MACROD2: variants seen among roughly 807,000 people sequenced by gnomAD.
The protein encoded by MACROD2 is ADP-ribose glycohydrolase MACROD2.
MACROD2 carries 36 observed loss-of-function variants against 70.4 expected under a neutral mutation model. That is an observed-to-expected ratio of 0.51 (90% CI 0.39 to 0.68). The LOEUF is 0.68. Among genes scored for constraint, MACROD2 ranks in the 30% least tolerant of loss-of-function variants. The pLI, the probability that MACROD2 is intolerant of heterozygous loss-of-function variation, is 0.00. For synonymous variants in MACROD2, 172 were observed against 178.8 expected, an observed-to-expected ratio of 0.96 and a Z score of 0.30; for missense variants, 496 against 538.4, an observed-to-expected ratio of 0.92 and a Z score of 0.78.
intron 5 of MACROD2, among the ~76,000 whole-genome samples, chr20:15,012,700 C>T (rs1282837501): frequency 6.6e-6 from 1 of 152,124 alleles, no homozygotes; most frequent in East Asian, 1.9e-4. Flanking sequence ...AGATAAAAGC[C>T]ACCACCTGCC....
chr20:14,628,063 A>G (rs1011414399), intron 4 of MACROD2, among the ~76,000 whole-genome samples: 6 of 152,218 alleles, frequency 3.9e-5, no homozygotes, highest in Non-Finnish European at 5.9e-5. Flanking sequence ...AACCTTTAAG[A>G]TAAGTAGGAA....
chr20:14,560,464 G>T (rs989863236), intron 4 of MACROD2, among the ~76,000 whole-genome samples: 4 of 151,652 alleles, frequency 2.6e-5, no homozygotes, highest in African/African-American at 7.3e-5. Context: ...ATATGTGGTT[G>T]GATATAAGAA....
chr20:14,239,693 T>G (rs2081911984), intron 3 of MACROD2, among the ~76,000 whole-genome samples: 1 of 152,206 alleles, frequency 6.6e-6, no homozygotes, highest in Non-Finnish European at 1.5e-5. Context: ...TCAAGATGGA[T>G]TAAAGTCTTA....
At chr20:15,900,265 C>A (rs1162591389) in intron 10 of MACROD2, among the ~76,000 whole-genome samples, 1 of 152,154 alleles carries the variant, frequency 6.6e-6, no homozygotes, top group African/African-American at 2.4e-5. Context: ...GGAAAAGCAG[C>A]TTTCCCCTGA....
intron 5 of MACROD2, among the ~76,000 whole-genome samples, chr20:14,929,735 T>C (rs1401655780): frequency 6.6e-6 from 1 of 151,958 alleles, no homozygotes; most frequent in East Asian, 1.9e-4. Context: ...TAAACTCGGG[T>C]ATGCTTGAAA....
intron 7 of MACROD2, among the ~76,000 whole-genome samples, chr20:15,434,289 A>C (rs1196701202): frequency 1.3e-5 from 2 of 151,948 alleles, no homozygotes; most frequent in Non-Finnish European, 2.9e-5. Flanking sequence ...CTGACCAAGA[A>C]CTAATACCCA....
chr20:14,778,187 C>T (rs889008137), intron 5 of MACROD2, among the ~76,000 whole-genome samples: 4 of 152,054 alleles, frequency 2.6e-5, no homozygotes, highest in Non-Finnish European at 5.9e-5. Context: ...CTTCATGTTG[C>T]GAGAGAGAAG....
At chr20:15,166,622 T>G (rs1457171916) in intron 5 of MACROD2, among the ~76,000 whole-genome samples, 1 of 152,004 alleles carries the variant, frequency 6.6e-6, no homozygotes, top group Non-Finnish European at 1.5e-5. Context: ...AAAAAAAAAG[T>G]ATAAAATACA....
chr20:15,279,391 A>G (rs1005268007), intron 6 of MACROD2, among the ~76,000 whole-genome samples: 2 of 152,010 alleles, frequency 1.3e-5, no homozygotes, highest in African/African-American at 4.8e-5. Context: ...GCTAAAATGG[A>G]CTCTCAGTCA....
At chr20:14,809,589 C>G (rs2072683308) in intron 5 of MACROD2, among the ~76,000 whole-genome samples, 1 of 151,548 alleles carries the variant, frequency 6.6e-6, no homozygotes, top group Admixed American at 6.6e-5. Context: ...AAGATCAGAG[C>G]AGAAATGAAG....
intron 5 of MACROD2, among the ~76,000 whole-genome samples, chr20:15,120,620 G>A (rs572409440): frequency 6.6e-6 from 1 of 152,238 alleles, no homozygotes; most frequent in South Asian, 2.1e-4. Context: ...TACACAGACA[G>A]TATATTAAAA....
intron 17 of MACROD2, among the ~76,000 whole-genome samples, chr20:16,045,575 A>G (rs1042716937): frequency 6.6e-6 from 1 of 152,130 alleles, no homozygotes. Context: ...GGACTGCAGC[A>G]AGGGTTCAAG....
At chr20:15,690,288 A>C (rs928473702) in intron 8 of MACROD2, among the ~76,000 whole-genome samples, 3 of 152,184 alleles carry the variant, frequency 2.0e-5, no homozygotes, top group African/African-American at 7.2e-5. Context: ...TTTGCAGGAT[A>C]ATCTGGGATG....
intron 3 of MACROD2, among the ~76,000 whole-genome samples, chr20:14,125,123 T>G (rs2054632126): frequency 6.6e-6 from 1 of 152,092 alleles, no homozygotes. Context: ...GAAAGCAAAA[T>G]GGTAGTAGCC....
At chr20:14,021,441 G>C (rs140620017) in intron 2 of MACROD2, among the ~76,000 whole-genome samples, 1 of 152,134 alleles carries the variant, frequency 6.6e-6, no homozygotes, top group Non-Finnish European at 1.5e-5. Context: ...TGAGTTTTGT[G>C]TTAGGCTAAA....
intron 8 of MACROD2, among the ~76,000 whole-genome samples, chr20:15,526,836 T>C (rs115897677): frequency 0.021 from 3,269 of 152,232 alleles, 131 homozygotes; most frequent in African/African-American, 0.071. Flanking sequence ...CCTTCCTAGA[T>C]AGCAAATAGA....
At chr20:14,689,509 A>G (rs2071038703) in intron 5 of MACROD2, among the ~76,000 whole-genome samples, 2 of 152,210 alleles carry the variant, frequency 1.3e-5, no homozygotes, top group Admixed American at 6.5e-5. Context: ...TTTTCCTTAA[A>G]CACAGACTCA....
intron 4 of MACROD2, among the ~76,000 whole-genome samples, chr20:14,661,062 T>C (rs959659021): frequency 5.9e-5 from 9 of 152,154 alleles, no homozygotes; most frequent in Admixed American, 3.9e-4. Flanking sequence ...TGTGGGTATA[T>C]ACTCAGTAAT....
intron 5 of MACROD2, among the ~76,000 whole-genome samples, chr20:15,068,961 C>T (rs1431304914): frequency 6.6e-6 from 1 of 152,084 alleles, no homozygotes; most frequent in Admixed American, 6.6e-5. Context: ...TTCTTAGAGA[C>T]TTGTTAAGTG....
Sources: gnomAD v4.1 joint callset for allele counts (sites outside exome capture counted in the v4.1 genomes callset) on GRCh38, gnomAD v4.1.1 for gene constraint, MANE v1.5 for transcripts, NCBI Gene and HGNC (gene_info 2026-07-23, HGNC 2026-07-21) for gene names.